Variants in STPG2 observed in about 807,000 individuals in gnomAD.
STPG2 encodes the protein sperm tail PG-rich repeat containing 2, also known as sperm-tail PG-rich repeat-containing protein 2.
A neutral mutation model predicts 54.2 loss-of-function variants in STPG2; 56 were observed. That is an observed-to-expected ratio of 1.03 (90% confidence interval 0.83 to 1.29). The LOEUF (loss-of-function observed/expected upper bound fraction) is 1.29. STPG2 is among the 50% of genes most tolerant of loss of function. The pLI is 0.00. For synonymous variants in STPG2, 200 were observed against 181.8 expected (o/e 1.10, Z -0.81); for missense variants, 596 against 544.9 (o/e 1.09, Z -0.93).
At chr4:97,571,286 C>A (rs999098676) in intron 10 of STPG2, among the ~76,000 whole-genome samples, 1 of 151,930 alleles carries the variant, frequency 6.6e-6, no homozygotes, top group African/African-American at 2.4e-5. Flanking sequence ...TATCCATAAA[C>A]CAAAAATAAA....
chr4:97,701,593 T>C (rs963675650), intron 10 of STPG2, among the ~76,000 whole-genome samples: 2 of 152,206 alleles, frequency 1.3e-5, no homozygotes, highest in Non-Finnish European at 2.9e-5. Context: ...TCTGGATCTG[T>C]AAACCTGCTC....
At chr4:97,587,882 G>A (rs1048001072) in intron 10 of STPG2, among the ~76,000 whole-genome samples, 8 of 151,980 alleles carry the variant, frequency 5.3e-5, no homozygotes, top group Admixed American at 4.6e-4. Flanking sequence ...GTGGGCATCA[G>A]TGTATTTACA....
In STPG2 at chr4:97,827,229, T is replaced by C. The variant is rs577133058; in HGVS notation, c.1204+13544A>G. ...CAGAGTTAAGGAAACTTTTGAGCTA[T>C]AGACAGCTTTTTTTTTTTTTTTTTG... On this transcript the variant is annotated intron_variant, in intron 9 of 10. Coordinates refer to ENST00000295268, the MANE Select transcript of STPG2 (RefSeq NM_174952.3). Among the ~76,000 whole-genome samples, 29 of 147,580 alleles carry C rather than the reference T, an allele frequency of 2.0e-4. 1 individual carries two copies. The South Asian group carries it at 4.8e-3, about 24-fold the overall frequency.
chr4:97,556,544 G>A (rs1377112112), downstream of STPG2, among the ~76,000 whole-genome samples: 1 of 152,086 alleles, frequency 6.6e-6, no homozygotes, highest in Non-Finnish European at 1.5e-5. Flanking sequence ...ATGATTTGGA[G>A]GCTGTTGAAA....
chr4:97,855,626 T>C (rs984085284), intron 8 of STPG2, among the ~76,000 whole-genome samples: 2 of 152,202 alleles, frequency 1.3e-5, no homozygotes, highest in African/African-American at 2.4e-5. Context: ...GCCTGTTCAC[T>C]CTGACGAAAG....
At chr4:97,529,129 T>A (rs1731355860) in intron 4 of STPG2, among the ~76,000 whole-genome samples, 1 of 152,214 alleles carries the variant, frequency 6.6e-6, no homozygotes, top group Non-Finnish European at 1.5e-5. Flanking sequence ...TTGTCATAAA[T>A]AGCTCTTATT....
At chr4:98,120,228 A>C (rs1739640458) in intron 3 of STPG2, among the ~76,000 whole-genome samples, 1 of 151,852 alleles carries the variant, frequency 6.6e-6, no homozygotes, top group Non-Finnish European at 1.5e-5. Flanking sequence ...CTACAGGTGC[A>C]TGGTACCACA....
At chr4:97,500,262 T>A (rs1380122120) in intron 4 of STPG2, among the ~76,000 whole-genome samples, 1 of 152,042 alleles carries the variant, frequency 6.6e-6, no homozygotes, top group Non-Finnish European at 1.5e-5. Flanking sequence ...GTCAAGTATG[T>A]CTGCAAAATT....
chr4:97,694,518 T>G (rs1415293947), intron 10 of STPG2, among the ~76,000 whole-genome samples: 1 of 151,776 alleles, frequency 6.6e-6, no homozygotes, highest in Admixed American at 6.6e-5. Flanking sequence ...ACTTGAAAAG[T>G]TACCAACAGG....
chr4:98,015,016 T>A (rs184065073), intron 5 of STPG2, among the ~76,000 whole-genome samples: 29 of 152,322 alleles, frequency 1.9e-4, no homozygotes, highest in Non-Finnish European at 1.5e-4. Context: ...GTTGTTTTTA[T>A]CTTACTACTT....
chr4:98,083,588 C>A (rs964986978), intron 5 of STPG2, among the ~76,000 whole-genome samples: 13 of 152,164 alleles, frequency 8.5e-5, no homozygotes, highest in African/African-American at 2.9e-4. Flanking sequence ...TTCAAATATA[C>A]AATTCTATTA....
intron 5 of STPG2, among the ~76,000 whole-genome samples, chr4:98,061,529 T>C (rs954419131): frequency 4.6e-5 from 7 of 152,072 alleles, no homozygotes; most frequent in East Asian, 1.9e-4. Context: ...TCCCCTAACA[T>C]TGGGAATTAC....
chr4:98,015,757 CAT>C (rs758139215), intron 5 of STPG2, among the ~76,000 whole-genome samples: 4 of 152,110 alleles, frequency 2.6e-5, no homozygotes, highest in Admixed American at 1.3e-4. Context: ...CACATGCACA[CAT>C]ATGTTTATTG....
intron 5 of STPG2, among the ~76,000 whole-genome samples, chr4:97,999,119 A>C (rs1298758679): frequency 6.6e-6 from 1 of 152,212 alleles, no homozygotes; most frequent in African/African-American, 2.4e-5. Context: ...ATTTGTTTTA[A>C]GGCACTACAT....
intron 5 of STPG2, among the ~76,000 whole-genome samples, chr4:98,089,896 A>G (rs1009884713): frequency 2.6e-5 from 4 of 151,436 alleles, no homozygotes; most frequent in African/African-American, 9.7e-5. Context: ...TGATGGGAGT[A>G]TTTATTTTTT....
At position 98,074,803 on chromosome 4, in the gene STPG2, T is replaced by C. The variant is rs146335948; in HGVS notation, c.612+31150A>G. ...TGATGTTTTTATAAACTCAGTTATC[T>C]GTTAAATTCTTCATCTCTTTCCTAA... On this transcript the variant is annotated intron_variant, in intron 5 of 10. Transcript: ENST00000295268. Among the ~76,000 whole-genome samples the C allele has an allele frequency of 5.1e-3, 775 of 152,364 alleles. 9 individuals are homozygous for C. Among genetic ancestry groups the C allele is most frequent in the African/African-American group, 0.018 (728 of 41,588 alleles).
chr4:98,130,940 C>CAAAAA (rs1215700216), intron 2 of STPG2, among the ~76,000 whole-genome samples: 1 of 96,282 alleles, frequency 1.0e-5, no homozygotes, highest in East Asian at 2.8e-4. Context: ...AAAAAAAAAA[C>CAAAAA]AAAAAAAAAA....
At chr4:98,043,933 C>G (rs767219484) in intron 5 of STPG2, among the ~76,000 whole-genome samples, 2 of 151,966 alleles carry the variant, frequency 1.3e-5, no homozygotes, top group Non-Finnish European at 2.9e-5. Flanking sequence ...CCACCTCCAC[C>G]CTCAAGTAGG....
At chr4:97,865,391 T>A (rs1729730154) in intron 8 of STPG2, among the ~76,000 whole-genome samples, 1 of 150,392 alleles carries the variant, frequency 6.6e-6, no homozygotes, top group African/African-American at 2.4e-5. Context: ...TACCACAATA[T>A]CATCTCACAC....
Sources: gnomAD v4.1 joint callset for allele counts (sites outside exome capture counted in the v4.1 genomes callset) on GRCh38, gnomAD v4.1.1 for gene constraint, MANE v1.5 for transcripts, NCBI Gene and HGNC (gene_info 2026-07-23, HGNC 2026-07-21) for gene names.